The following AFG1L variants were observed in gnomAD, a reference collection of about 807,000 sequenced individuals.
The protein encoded by AFG1L is AFG1-like ATPase.
Under a neutral mutation model 62.2 loss-of-function variants are expected in AFG1L, and 53 were observed. The observed-to-expected ratio is 0.85, with a 90% CI of 0.68 to 1.07. The LOEUF (loss-of-function observed/expected upper bound fraction) is 1.07, where lower values mean the gene tolerates loss of function less well. AFG1L is among the 50% of genes least tolerant of loss of function. The pLI is 0.00. For missense variants in AFG1L, 555 were observed against 590.5 expected, an observed-to-expected ratio of 0.94 and a Z score of 0.62; for synonymous variants, 228 against 210.3, an observed-to-expected ratio of 1.08 and a Z score of -0.73.
chr6:108,455,717 T>C (rs2114769204), intron 8 of AFG1L, among the ~76,000 whole-genome samples: 1 of 152,302 alleles, frequency 6.6e-6, no homozygotes, highest in Non-Finnish European at 1.5e-5. Flanking sequence ...AAAAGTGTGT[T>C]ATTTACTTTC....
chr6:108,402,535 T>C (rs2114634364), intron 7 of AFG1L, among the ~76,000 whole-genome samples: 1 of 146,632 alleles, frequency 6.8e-6, no homozygotes, highest in East Asian at 2.0e-4. Context: ...CTCTAGATAG[T>C]AACAGTCAAA....
chr6:108,332,029 T>C (rs538564563), intron 2 of AFG1L, among the ~76,000 whole-genome samples: 2 of 152,266 alleles, frequency 1.3e-5, no homozygotes, highest in African/African-American at 4.8e-5. Flanking sequence ...TCCTCACCCT[T>C]CCAAGAGCAA....
chr6:108,491,945 T>A (rs900122382), intron 10 of AFG1L, among the ~76,000 whole-genome samples: 5 of 152,154 alleles, frequency 3.3e-5, no homozygotes, highest in Admixed American at 6.5e-5. Context: ...TTCTTTCCAA[T>A]GGACTCTCAC....
intron 6 of AFG1L, among the ~76,000 whole-genome samples, chr6:108,396,332 A>G (rs1436104115): frequency 6.6e-6 from 1 of 152,142 alleles, no homozygotes; most frequent in Non-Finnish European, 1.5e-5. Context: ...AAATATACCT[A>G]CACTGTGACA....
chr6:108,506,607 G>A (rs541209549), intron 10 of AFG1L, among the ~76,000 whole-genome samples: 8 of 149,578 alleles, frequency 5.3e-5, no homozygotes, highest in Admixed American at 2.7e-4. Flanking sequence ...TCCTGAGCTC[G>A]AGTGATCCAC....
At chr6:108,503,350 T>G (rs1774276347) in intron 10 of AFG1L, among the ~76,000 whole-genome samples, 1 of 152,236 alleles carries the variant, frequency 6.6e-6, no homozygotes, top group South Asian at 2.1e-4. Flanking sequence ...AATTACTTCT[T>G]GATCCATGGG....
Position 108,331,977 on chromosome 6 carries a change from A to G in AFG1L, c.363+7929A>G, listed in dbSNP as rs569330640. Among the ~76,000 whole-genome samples the G allele has an allele frequency of 2.6e-4, 40 of 152,232 alleles. 1 individual carries two copies. Among genetic ancestry groups the G allele is most frequent in the African/African-American group, 9.6e-4 (40 of 41,558 alleles). On this transcript the variant is annotated intron_variant, in intron 2 of 12. Transcript: ENST00000368977. ...TTTTCCCTAATGAGAACTTATTTCC[A>G]ACTCCCTCTTATATCCTACCATCTT... is the stretch of plus-strand genomic sequence containing the variant.
chr6:108,354,348 C>T (rs1000207793), intron 3 of AFG1L, among the ~76,000 whole-genome samples: 2 of 151,642 alleles, frequency 1.3e-5, no homozygotes, highest in Admixed American at 6.6e-5. Context: ...TCTCTCTTGT[C>T]GCCCAGGCTG....
At chr6:108,479,943 C>A (rs753858448) in intron 10 of AFG1L, among the ~76,000 whole-genome samples, 28 of 152,100 alleles carry the variant, frequency 1.8e-4, no homozygotes, top group Non-Finnish European at 4.0e-4. Context: ...TATTTTTGAG[C>A]CATGGCCCCT....
intron 7 of AFG1L, among the ~76,000 whole-genome samples, chr6:108,439,270 A>C (rs1164435632): frequency 6.6e-6 from 1 of 152,186 alleles, no homozygotes; most frequent in African/African-American, 2.4e-5. Context: ...GCTATATCTT[A>C]TTCATCATTA....
intron 6 of AFG1L, among the ~76,000 whole-genome samples, chr6:108,380,879 C>A (rs971191634): frequency 6.6e-6 from 1 of 152,210 alleles, no homozygotes; most frequent in Non-Finnish European, 1.5e-5. Context: ...TCCTTTCTCA[C>A]ATACTGGGGC....
intron 1 of AFG1L, chr6:108,319,698 T>A (rs1289577692): frequency 3.9e-5 from 14 of 357,452 alleles, no homozygotes; most frequent in Non-Finnish European, 7.2e-5. Flanking sequence ...AGCCTCCAAC[T>A]TTTGGTTTCA....
At chr6:108,298,967 A>G (rs2114812921) in intron 1 of AFG1L, among the ~76,000 whole-genome samples, 1 of 152,266 alleles carries the variant, frequency 6.6e-6, no homozygotes. Flanking sequence ...CTTTGATAGA[A>G]TTAACATACT....
intron 2 of AFG1L, among the ~76,000 whole-genome samples, chr6:108,325,431 G>A (rs1582376605): frequency 8.4e-6 from 1 of 118,420 alleles, no homozygotes; most frequent in African/African-American, 3.2e-5. Context: ...TTTTAGGGCT[G>A]TTTTGCCTTT....
At chr6:108,480,655 G>A (rs1446399540) in intron 10 of AFG1L, among the ~76,000 whole-genome samples, 2 of 152,004 alleles carry the variant, frequency 1.3e-5, no homozygotes, top group African/African-American at 2.4e-5. Flanking sequence ...GAAATTAGCC[G>A]GGCGTGGTGG....
At chr6:108,346,873 A>G (rs1562098485) in intron 2 of AFG1L, 115 bp from the exon 3 acceptor site, 3 of 734,756 alleles carry the variant, frequency 4.1e-6, no homozygotes, top group Non-Finnish European at 6.9e-6. Context: ...TTTCTTACTT[A>G]TTGTATATAA....
chr6:108,310,138 T>C (rs1415402363), intron 1 of AFG1L, among the ~76,000 whole-genome samples: 1 of 152,164 alleles, frequency 6.6e-6, no homozygotes, highest in East Asian at 1.9e-4. Context: ...CCTCATCTTT[T>C]ATAAGGGTTG....
intron 1 of AFG1L, among the ~76,000 whole-genome samples, chr6:108,306,093 G>A (rs1380816279): frequency 6.6e-6 from 1 of 152,054 alleles, no homozygotes; most frequent in African/African-American, 2.4e-5. Flanking sequence ...TAGTAGAGAT[G>A]GGGTTTTGCC....
intron 12 of AFG1L, 161 bp from the exon 13 acceptor site, chr6:108,522,136 C>G (rs1775147734): frequency 2.0e-6 from 1 of 506,302 alleles, no homozygotes; most frequent in Admixed American, 3.2e-5. Context: ...AATTGGTTGA[C>G]TCTCTAGTCT....
Sources: allele counts gnomAD v4.1 joint callset (sites outside exome capture counted in the v4.1 genomes callset), GRCh38; gene constraint gnomAD v4.1.1; transcripts MANE v1.5; gene names NCBI Gene and HGNC (gene_info 2026-07-23, HGNC 2026-07-21).